Variants in CNTN4 observed in about 807,000 individuals in gnomAD.
CNTN4 encodes the protein contactin-4.
Under a neutral mutation model 122.5 loss-of-function variants are expected in CNTN4, and 77 were observed. The ratio of observed to expected loss-of-function variants is 0.63; its 90% CI spans 0.52 to 0.76. The LOEUF (loss-of-function observed/expected upper bound fraction) is 0.76, where lower values mean the gene tolerates loss of function less well. CNTN4 is among the 30% of genes least tolerant of loss of function. CNTN4 has a pLI of 0.00. For synonymous variants in CNTN4, 512 were observed against 447.0 expected, an observed-to-expected ratio of 1.15 and a Z score of -1.83; for missense variants, 1,256 against 1,259.1, an observed-to-expected ratio of 1.00 and a Z score of 0.04.
chr3:2,454,697 T>C (rs969867263), intron 3 of CNTN4, among the ~76,000 whole-genome samples: 2 of 128,694 alleles, frequency 1.6e-5, no homozygotes, highest in African/African-American at 6.0e-5. Context: ...TTGTTTAAGT[T>C]CCAAAGTCTA....
At chr3:2,594,618 C>T (rs1215046334) in intron 4 of CNTN4, among the ~76,000 whole-genome samples, 1 of 150,732 alleles carries the variant, frequency 6.6e-6, no homozygotes, top group African/African-American at 2.4e-5. Context: ...GACGGGGTTT[C>T]ACCATGTTGG....
intron 4 of CNTN4, among the ~76,000 whole-genome samples, chr3:2,589,453 G>A (rs2080357224): frequency 6.6e-6 from 1 of 152,088 alleles, no homozygotes; most frequent in Non-Finnish European, 1.5e-5. Flanking sequence ...AAACATGTGT[G>A]TCTTAGAGTA....
At chr3:2,475,325 C>G (rs2075807383) in intron 3 of CNTN4, among the ~76,000 whole-genome samples, 1 of 152,130 alleles carries the variant, frequency 6.6e-6, no homozygotes, top group Non-Finnish European at 1.5e-5. Context: ...CTCTTTTACA[C>G]CAAAGTTAAT....
chr3:2,208,072 A>T (rs2038443689), intron 2 of CNTN4, among the ~76,000 whole-genome samples: 1 of 152,154 alleles, frequency 6.6e-6, no homozygotes, highest in African/African-American at 2.4e-5. Context: ...TTGATCAAGG[A>T]GTAATTCTGA....
At chr3:2,216,140 G>T (rs2038831004) in intron 2 of CNTN4, among the ~76,000 whole-genome samples, 1 of 152,082 alleles carries the variant, frequency 6.6e-6, no homozygotes, top group Non-Finnish European at 1.5e-5. Context: ...CAGCCTAAAT[G>T]CCCATCAATG....
intron 4 of CNTN4, among the ~76,000 whole-genome samples, chr3:2,623,078 C>T (rs1433516144): frequency 6.6e-6 from 1 of 152,194 alleles, no homozygotes; most frequent in African/African-American, 2.4e-5. Context: ...TTACTCTCAC[C>T]TTAATAAATG....
At chr3:2,388,779 AG>A (rs2046337815) in intron 3 of CNTN4, among the ~76,000 whole-genome samples, 1 of 151,530 alleles carries the variant, frequency 6.6e-6, no homozygotes, top group South Asian at 2.1e-4. Context: ...TGGGAGGTAG[AG>A]GTTGCAGTGA....
chr3:2,794,240 A>G (rs552338138), intron 6 of CNTN4, among the ~76,000 whole-genome samples: 2 of 152,336 alleles, frequency 1.3e-5, no homozygotes, highest in South Asian at 4.1e-4. Context: ...TGCCCGATCC[A>G]TCAGTAGAAA....
At chr3:2,102,336 G>C (rs1402195492) in intron 2 of CNTN4, among the ~76,000 whole-genome samples, 2 of 152,144 alleles carry the variant, frequency 1.3e-5, no homozygotes, top group South Asian at 4.1e-4. Flanking sequence ...CTTAATTTCT[G>C]TGAGCCTTAG....
intron 2 of CNTN4, among the ~76,000 whole-genome samples, chr3:2,328,177 G>A (rs1304981832): frequency 6.6e-6 from 1 of 152,234 alleles, no homozygotes; most frequent in Middle Eastern, 3.4e-3. Context: ...AGGCCGAGGC[G>A]GGCGGATCAC....
intron 2 of CNTN4, among the ~76,000 whole-genome samples, chr3:2,111,377 C>T (rs146041892): frequency 6.6e-6 from 1 of 152,156 alleles, no homozygotes; most frequent in African/African-American, 2.4e-5. Context: ...TCCTGTTCTT[C>T]TGAATTAATG....
At position 2,199,400 on chromosome 3, in the gene CNTN4, G is replaced by A. The variant is rs148275173; in HGVS notation, c.-145+98761G>A. On this transcript the variant is annotated intron_variant, in intron 2 of 24. Coordinates refer to ENST00000418658, the MANE Select transcript of CNTN4 (RefSeq NM_175607.3). ...GTTTTTCTACTGCAGAGATCCCTCCGTACCTTCTCTCCCCCTGTCCCTACC... is the reference window on the plus strand; with the variant it reads ...GTTTTTCTACTGCAGAGATCCCTCCATACCTTCTCTCCCCCTGTCCCTACC... 2.8e-3 allele frequency among the ~76,000 whole-genome samples: 427 copies of A among 151,724 alleles called. 3 individuals are homozygous for A. The highest frequency in any genetic ancestry group is 9.8e-3 in the African/African-American group (404 of 41,330).
intron 3 of CNTN4, among the ~76,000 whole-genome samples, chr3:2,518,215 A>ATGTG (rs59623316): frequency 0.16 from 23,673 of 150,794 alleles, 2,017 homozygotes; most frequent in Middle Eastern, 0.21. Flanking sequence ...TTAGGTTAAT[A>ATGTG]TGTGTGTGTG....
intron 23 of CNTN4, among the ~76,000 whole-genome samples, chr3:3,049,044 G>A (rs186341987): frequency 1.3e-3 from 198 of 152,240 alleles, no homozygotes; most frequent in African/African-American, 4.4e-3. Context: ...CTACTAATAC[G>A]TCTACTAAGC....
At chr3:2,513,026 C>G (rs1302983891) in intron 3 of CNTN4, among the ~76,000 whole-genome samples, 1 of 152,154 alleles carries the variant, frequency 6.6e-6, no homozygotes, top group African/African-American at 2.4e-5. Flanking sequence ...GGAAAATGAT[C>G]ACAAAACAGT....
At chr3:2,204,986 T>G (rs1421580271) in intron 2 of CNTN4, among the ~76,000 whole-genome samples, 1 of 152,118 alleles carries the variant, frequency 6.6e-6, no homozygotes, top group Non-Finnish European at 1.5e-5. Context: ...TATTTATTTG[T>G]ACTAGACAGA....
At chr3:2,140,667 T>C (rs761770203) in intron 2 of CNTN4, among the ~76,000 whole-genome samples, 19 of 152,200 alleles carry the variant, frequency 1.2e-4, no homozygotes, top group Admixed American at 3.3e-4. Flanking sequence ...TTTCAAGATA[T>C]GAATTTTGGG....
intron 2 of CNTN4, among the ~76,000 whole-genome samples, chr3:2,216,798 C>T (rs2038860166): frequency 6.6e-6 from 1 of 152,092 alleles, no homozygotes; most frequent in Non-Finnish European, 1.5e-5. Flanking sequence ...TACCCCTCCT[C>T]ACTCCATAGT....
intron 4 of CNTN4, among the ~76,000 whole-genome samples, chr3:2,725,265 A>C (rs1242515179): frequency 6.6e-6 from 1 of 152,172 alleles, no homozygotes; most frequent in Admixed American, 6.5e-5. Context: ...ATAGTGGCTC[A>C]TGATTGTAGA....
Sources: gnomAD v4.1 joint callset for allele counts (sites outside exome capture counted in the v4.1 genomes callset) on GRCh38, gnomAD v4.1.1 for gene constraint, MANE v1.5 for transcripts, NCBI Gene and HGNC (gene_info 2026-07-23, HGNC 2026-07-21) for gene names.